KCNIP4: variants seen among roughly 807,000 people sequenced by gnomAD.
KCNIP4 encodes Kv channel-interacting protein 4.
A neutral mutation model predicts 34.0 loss-of-function variants in KCNIP4; 12 were observed. The observed-to-expected ratio is 0.35, with a 90% CI of 0.23 to 0.57. The LOEUF is 0.57. KCNIP4 is among the 20% of genes least tolerant of loss of function. The pLI is 0.83. For synonymous variants in KCNIP4, 124 were observed against 102.2 expected (o/e 1.21, Z -1.29); for missense variants, 238 against 311.7 (o/e 0.76, Z 1.78).
chr4:21,800,596 C>A (rs895722204), intron 1 of KCNIP4, among the ~76,000 whole-genome samples: 1 of 152,092 alleles, frequency 6.6e-6, no homozygotes, highest in Non-Finnish European at 1.5e-5. Flanking sequence ...AGACAACAAC[C>A]CACTCCCCAA....
chr4:20,911,879 T>C (rs1337821143), intron 1 of KCNIP4, among the ~76,000 whole-genome samples: 2 of 152,246 alleles, frequency 1.3e-5, no homozygotes, highest in Non-Finnish European at 2.9e-5. Context: ...GGAATCATTA[T>C]AGAGGAATTT....
chr4:21,041,247 C>G lies in KCNIP4; in HGVS notation c.62-158538G>C, dbSNP rs989008512. ...TATATATTTCACACACACACACACA[C>G]ACACACACACACACACACGCACATG... On this transcript the variant is annotated intron_variant, in intron 1 of 8. Transcript: ENST00000382152. 1.2e-4 allele frequency among the ~76,000 whole-genome samples: 18 copies of G among 151,836 alleles called. 1 individual carries two copies. The highest frequency in any genetic ancestry group is 4.4e-5 in the Non-Finnish European group (3 of 67,948).
intron 1 of KCNIP4, among the ~76,000 whole-genome samples, chr4:21,664,190 C>T (rs900094775): frequency 6.6e-6 from 1 of 152,068 alleles, no homozygotes; most frequent in African/African-American, 2.4e-5. Flanking sequence ...CTCAAGTGAT[C>T]CACCCACCTC....
chr4:20,839,472 G>T (rs1198050495), intron 3 of KCNIP4, among the ~76,000 whole-genome samples: 1 of 137,868 alleles, frequency 7.3e-6, no homozygotes, highest in African/African-American at 2.7e-5. Flanking sequence ...TATCTATATT[G>T]TATACCATGT....
chr4:20,980,398 C>T (rs1180976697), intron 1 of KCNIP4, among the ~76,000 whole-genome samples: 2 of 152,184 alleles, frequency 1.3e-5, no homozygotes, highest in African/African-American at 4.8e-5. Flanking sequence ...AATTTCAAAT[C>T]CCTATAGTAA....
At chr4:20,856,433 C>G (rs1034411611) in intron 2 of KCNIP4, among the ~76,000 whole-genome samples, 1 of 152,180 alleles carries the variant, frequency 6.6e-6, no homozygotes, top group Non-Finnish European at 1.5e-5. Flanking sequence ...TGGTGACCCC[C>G]TGGTCATCGT....
At chr4:21,217,203 C>G (rs1194273812) in intron 1 of KCNIP4, among the ~76,000 whole-genome samples, 1 of 152,182 alleles carries the variant, frequency 6.6e-6, no homozygotes, top group African/African-American at 2.4e-5. Context: ...CACTGTATTA[C>G]TTGACCTACT....
chr4:21,563,296 T>C (rs1030877326), intron 1 of KCNIP4, among the ~76,000 whole-genome samples: 4 of 152,112 alleles, frequency 2.6e-5, no homozygotes, highest in African/African-American at 9.6e-5. Flanking sequence ...TTTGAAGCAT[T>C]TCTCCAAAAA....
chr4:21,365,548 G>GA (rs199627498), intron 1 of KCNIP4, among the ~76,000 whole-genome samples: 24,387 of 145,012 alleles, frequency 0.17, 2,199 homozygotes, highest in Non-Finnish European at 0.2. Flanking sequence ...AAAAGAAAAA[G>GA]AAAAAAAAAT....
At chr4:21,605,275 A>G (rs1743550060) in intron 1 of KCNIP4, among the ~76,000 whole-genome samples, 1 of 152,194 alleles carries the variant, frequency 6.6e-6, no homozygotes, top group Admixed American at 6.5e-5. Context: ...GAAAAGGCTA[A>G]CAAACACTAT....
At chr4:21,285,658 G>A (rs1021305838) in intron 1 of KCNIP4, among the ~76,000 whole-genome samples, 3 of 151,826 alleles carry the variant, frequency 2.0e-5, no homozygotes, top group East Asian at 2.0e-4. Flanking sequence ...GTGAAACTCC[G>A]TCTCTACTAA....
intron 1 of KCNIP4, among the ~76,000 whole-genome samples, chr4:21,679,763 C>T (rs973261346): frequency 1.3e-5 from 2 of 152,278 alleles, no homozygotes; most frequent in African/African-American, 4.8e-5. Flanking sequence ...TTCTTGGCTT[C>T]CCAGTGCACG....
chr4:21,109,411 C>T (rs1406863997), intron 1 of KCNIP4, among the ~76,000 whole-genome samples: 24 of 152,356 alleles, frequency 1.6e-4, no homozygotes, highest in Admixed American at 9.8e-4. Context: ...GAGCCAGGTG[C>T]GGGATATAAT....
At chr4:21,125,783 G>A (rs1750565162) in intron 1 of KCNIP4, among the ~76,000 whole-genome samples, 1 of 152,072 alleles carries the variant, frequency 6.6e-6, no homozygotes, top group African/African-American at 2.4e-5. Flanking sequence ...AACCTCTTAT[G>A]ATTAAGGGTG....
chr4:21,472,734 GCTAGAT>G (rs536459394), intron 1 of KCNIP4, among the ~76,000 whole-genome samples: 277 of 152,240 alleles, frequency 1.8e-3, no homozygotes, highest in Non-Finnish European at 3.0e-3. Context: ...TATGCAGTCA[GCTAGAT>G]CTGTATTCAA....
intron 1 of KCNIP4, among the ~76,000 whole-genome samples, chr4:21,460,136 A>C (rs1011012834): frequency 7.5e-6 from 1 of 134,028 alleles, no homozygotes; most frequent in Admixed American, 7.8e-5. Context: ...TTTCTTTCCT[A>C]TTGCTCTTTC....
At chr4:21,237,569 A>T (rs1001039655) in intron 1 of KCNIP4, among the ~76,000 whole-genome samples, 26 of 152,208 alleles carry the variant, frequency 1.7e-4, no homozygotes, top group African/African-American at 6.3e-4. Flanking sequence ...CCCCACAGAA[A>T]TAGAAACTAC....
intron 1 of KCNIP4, among the ~76,000 whole-genome samples, chr4:21,750,157 C>G (rs1431643710): frequency 6.6e-6 from 1 of 152,108 alleles, no homozygotes; most frequent in Non-Finnish European, 1.5e-5. Context: ...GCTGCCTGCC[C>G]ATGAATCACT....
intron 5 of KCNIP4, among the ~76,000 whole-genome samples, chr4:20,741,564 A>G (rs1157023749): frequency 1.3e-5 from 2 of 152,236 alleles, no homozygotes; most frequent in Non-Finnish European, 2.9e-5. Flanking sequence ...GGACACATTT[A>G]AAGCAGTGTG....
Sources: allele counts gnomAD v4.1 joint callset (sites outside exome capture counted in the v4.1 genomes callset), GRCh38; gene constraint gnomAD v4.1.1; transcripts MANE v1.5; gene names NCBI Gene and HGNC (gene_info 2026-07-23, HGNC 2026-07-21).